The following COL25A1 variants were observed in gnomAD, a reference collection of about 807,000 sequenced individuals.
The protein encoded by COL25A1 is collagen alpha-1(XXV) chain.
In COL25A1, 103 loss-of-function variants were observed where a neutral mutation model predicts 128.4. The ratio of observed to expected loss-of-function variants is 0.80; its 90% confidence interval spans 0.68 to 0.94. The LOEUF (loss-of-function observed/expected upper bound fraction) is 0.94. COL25A1 is among the 40% of genes least tolerant of loss of function. The pLI is 0.00. For missense variants in COL25A1, 745 were observed against 840.0 expected, an observed-to-expected ratio of 0.89 and a Z score of 1.40; for synonymous variants, 279 against 277.2, an observed-to-expected ratio of 1.01 and a Z score of -0.06.
rs180877406 is a variant in COL25A1, at chr4:109,280,270, A to G, written c.367+20313T>C. Among the ~76,000 whole-genome samples, 7 of 152,370 alleles carry G rather than the reference A, an allele frequency of 4.6e-5. No homozygotes were observed. In the East Asian group the frequency reaches 1.3e-3, roughly 29 times the overall value. On this transcript the variant is annotated intron_variant, in intron 3 of 37. Transcript: ENST00000399132. Reference sequence around the variant, plus strand: ...CCCATCAACTCAGACTATTTTAAAAATTACACATCCATTCAATGGAATTCT... The same window carrying G: ...CCCATCAACTCAGACTATTTTAAAAGTTACACATCCATTCAATGGAATTCT...
intron 11 of COL25A1, among the ~76,000 whole-genome samples, chr4:108,934,503 G>GA (rs1747182438): frequency 6.6e-6 from 1 of 151,634 alleles, no homozygotes; most frequent in African/African-American, 2.4e-5. Flanking sequence ...TAATAAAAGA[G>GA]AAAAAAAGAA....
At chr4:109,239,411 TATATATATA>T (rs1163900097) in intron 3 of COL25A1, among the ~76,000 whole-genome samples, 1 of 137,034 alleles carries the variant, frequency 7.3e-6, no homozygotes, top group African/African-American at 2.6e-5. Flanking sequence ...TATATATATA[TATATATATA>T]TATTTATTTA....
At chr4:109,225,929 T>C (rs915299361) in intron 3 of COL25A1, among the ~76,000 whole-genome samples, 15 of 151,894 alleles carry the variant, frequency 9.9e-5, no homozygotes, top group Non-Finnish European at 1.8e-4. Flanking sequence ...CACACGCTAG[T>C]TTGTATTTAT....
At chr4:108,974,911 C>G (rs1424043009) in intron 6 of COL25A1, among the ~76,000 whole-genome samples, 2 of 152,214 alleles carry the variant, frequency 1.3e-5, no homozygotes, top group Admixed American at 6.5e-5. Context: ...CCTCTACCAA[C>G]AGTAACCACT....
chr4:109,210,775 A>C (rs575160721), intron 3 of COL25A1, among the ~76,000 whole-genome samples: 1 of 152,178 alleles, frequency 6.6e-6, no homozygotes, highest in South Asian at 2.1e-4. Context: ...TCCTGGATAA[A>C]GCCTCCCACC....
intron 3 of COL25A1, among the ~76,000 whole-genome samples, chr4:109,057,608 A>G (rs543513464): frequency 6.6e-6 from 1 of 151,898 alleles, no homozygotes; most frequent in South Asian, 2.1e-4. Flanking sequence ...TGAAAATTTT[A>G]ACAATTGCCA....
chr4:108,969,450 A>T (rs1219440055), intron 8 of COL25A1, among the ~76,000 whole-genome samples: 1 of 152,252 alleles, frequency 6.6e-6, no homozygotes, highest in East Asian at 1.9e-4. Flanking sequence ...TCATTGAATC[A>T]ACAGTAACAC....
intron 20 of COL25A1, 125 bp downstream of exon 20, chr4:108,868,963 G>T: frequency 1.8e-6 from 1 of 549,400 alleles, no homozygotes; most frequent in Non-Finnish European, 3.1e-6. Context: ...GAAAGAAAAA[G>T]GAAAGAAAGG....
At chr4:109,066,016 C>T (rs1442921039) in intron 3 of COL25A1, among the ~76,000 whole-genome samples, 2 of 152,192 alleles carry the variant, frequency 1.3e-5, no homozygotes, top group Admixed American at 6.5e-5. Context: ...GTCTTCTTTA[C>T]ATGCCCCACC....
chr4:109,148,325 G>T (rs1421145646), intron 3 of COL25A1, among the ~76,000 whole-genome samples: 1 of 152,190 alleles, frequency 6.6e-6, no homozygotes. Context: ...AATAGGAACA[G>T]ATGTCAATTT....
At position 108,844,573 on chromosome 4, in the gene COL25A1, T is replaced by C. The variant is rs764407434; in HGVS notation, c.1579-4A>G. The C allele has an allele frequency of 1.2e-6, 2 of 1,607,816 alleles. No homozygotes were observed. Among genetic ancestry groups the C allele is most frequent in the Admixed American group, 1.7e-5 (1 of 58,086 alleles). ...GTGGGCCTGGTGGGCCTATGATCTG[T>C]ATGTCCAAAAAATAAAAATGTATTT... On this transcript the variant is annotated splice_region_variant and splice_polypyrimidine_tract_variant and intron_variant, in intron 29 of 37. Transcript: ENST00000399132.
At chr4:109,256,426 G>A (rs1387698337) in intron 3 of COL25A1, among the ~76,000 whole-genome samples, 1 of 152,068 alleles carries the variant, frequency 6.6e-6, no homozygotes, top group Non-Finnish European at 1.5e-5. Flanking sequence ...CATGGTACAG[G>A]CTCCTAACGC....
intron 3 of COL25A1, among the ~76,000 whole-genome samples, chr4:109,160,222 G>T (rs1411805169): frequency 6.6e-6 from 1 of 152,094 alleles, no homozygotes; most frequent in African/African-American, 2.4e-5. Context: ...TTTCTTAACT[G>T]AGAGTCAAGA....
At chr4:109,299,166 C>CA (rs1725270485) in intron 3 of COL25A1, among the ~76,000 whole-genome samples, 1 of 152,102 alleles carries the variant, frequency 6.6e-6, no homozygotes, top group African/African-American at 2.4e-5. Context: ...ATATTGTATA[C>CA]AAAAAAATGC....
intron 3 of COL25A1, among the ~76,000 whole-genome samples, chr4:109,175,493 C>T (rs1428125662): frequency 6.6e-6 from 1 of 152,146 alleles, no homozygotes; most frequent in Non-Finnish European, 1.5e-5. Flanking sequence ...AAGAGTTCTT[C>T]ATATAAAACA....
At chr4:108,859,763 T>C (rs1323557238) in intron 23 of COL25A1, 30 bp from the exon 24 acceptor site, 1 of 1,565,090 alleles carries the variant, frequency 6.4e-7, no homozygotes, top group East Asian at 2.2e-5. Context: ...GGGAAAATCA[T>C]GGGTATTAGC....
intron 24 of COL25A1, among the ~76,000 whole-genome samples, chr4:108,856,741 A>G (rs1471662644): frequency 6.6e-6 from 1 of 152,170 alleles, no homozygotes; most frequent in Non-Finnish European, 1.5e-5. Flanking sequence ...GTAGTCATAT[A>G]CAATTAAAGA....
chr4:109,144,864 A>C (rs1235696279), intron 3 of COL25A1, among the ~76,000 whole-genome samples: 1 of 152,200 alleles, frequency 6.6e-6, no homozygotes, highest in Non-Finnish European at 1.5e-5. Flanking sequence ...TAAAAAGGAA[A>C]CTAGTAATTA....
intron 3 of COL25A1, among the ~76,000 whole-genome samples, chr4:109,122,011 T>C (rs1768148380): frequency 6.6e-6 from 1 of 152,038 alleles, no homozygotes; most frequent in Non-Finnish European, 1.5e-5. Flanking sequence ...AATAAGTGAA[T>C]GAAACCAACC....
Sources: gnomAD v4.1 joint callset for allele counts (sites outside exome capture counted in the v4.1 genomes callset) on GRCh38, gnomAD v4.1.1 for gene constraint, MANE v1.5 for transcripts, NCBI Gene and HGNC (gene_info 2026-07-23, HGNC 2026-07-21) for gene names.